CLECL1: variants seen among roughly 807,000 people sequenced by gnomAD.
CLECL1 encodes the protein C-type lectin like 1.
exon 4 of CLECL1, chr12:9,722,697 C>A: frequency 6.2e-7 from 1 of 1,613,842 alleles, no homozygotes; most frequent in Non-Finnish European, 8.5e-7. Flanking sequence ...ATGGCACAGT[C>A]ATTTTGACTT....
chr12:9,720,565 C>A (rs1260948906), downstream of CLECL1, among the ~76,000 whole-genome samples: 1 of 152,146 alleles, frequency 6.6e-6, no homozygotes, highest in Non-Finnish European at 1.5e-5. Flanking sequence ...TGGTCTCGAA[C>A]TCCCGACCTC....
At chr12:9,704,364 A>G in the CLECL1 span, among the ~76,000 whole-genome samples, 2 of 152,250 alleles carry the variant, frequency 1.3e-5, no homozygotes, top group East Asian at 1.9e-4. Context: ...TTATTTCACA[A>G]TTTTCATATA....
At chr12:9,711,552 C>G (rs191603905), downstream of CLECL1, among the ~76,000 whole-genome samples, 8 of 152,032 alleles carry the variant, frequency 5.3e-5, no homozygotes, top group East Asian at 1.3e-3. Context: ...TCACCGTACT[C>G]AACTATCAGT....
intron 2 of CLECL1, among the ~76,000 whole-genome samples, chr12:9,728,997 A>G (rs2121062257): frequency 6.6e-6 from 1 of 152,180 alleles, no homozygotes; most frequent in Admixed American, 6.5e-5. Context: ...CTTGGAATAT[A>G]TATAATCTGT....
downstream of CLECL1, chr12:9,718,517 G>C (rs79433652): frequency 5.4e-3 from 1,957 of 360,970 alleles, 80 homozygotes; most frequent in African/African-American, 0.028. Context: ...GTGGGGCCCA[G>C]AGAGTGGAAT....
intron 2 of CLECL1, among the ~76,000 whole-genome samples, chr12:9,728,484 G>T (rs925949076): frequency 3.3e-5 from 5 of 151,890 alleles, no homozygotes; most frequent in Non-Finnish European, 7.4e-5. Flanking sequence ...TGATGTAGCT[G>T]GGATTTGAAA....
At chr12:9,704,237 G>C in the CLECL1 span, 1 of 152,020 alleles carries the variant, frequency 6.6e-6, no homozygotes, top group South Asian at 2.1e-4. Context: ...TGCACAAGGA[G>C]AACTTCCAAT....
the CLECL1 span, among the ~76,000 whole-genome samples, chr12:9,704,398 G>A: frequency 2.0e-5 from 3 of 152,250 alleles, no homozygotes; most frequent in East Asian, 5.8e-4. Flanking sequence ...ATTAAGTTAT[G>A]TTCATTTGCT....
intron 3 of CLECL1, among the ~76,000 whole-genome samples, chr12:9,726,325 A>C (rs982908215): frequency 6.6e-6 from 1 of 152,062 alleles, no homozygotes; most frequent in African/African-American, 2.4e-5. Flanking sequence ...ACATCCCTAG[A>C]ATCAAAAACT....
chr12:9,714,944 C>A (rs1353651473), downstream of CLECL1, among the ~76,000 whole-genome samples: 3 of 152,142 alleles, frequency 2.0e-5, no homozygotes, highest in Admixed American at 2.0e-4. Flanking sequence ...TGAACCTCTC[C>A]TTCTATTAGG....
chr12:9,727,059 A>C (rs953360228), intron 3 of CLECL1, among the ~76,000 whole-genome samples: 1 of 151,740 alleles, frequency 6.6e-6, no homozygotes, highest in Non-Finnish European at 1.5e-5. Flanking sequence ...ATACAGAATT[A>C]AAATGTAAAT....
At chr12:9,712,152 G>C (rs993772140), downstream of CLECL1, among the ~76,000 whole-genome samples, 4 of 152,170 alleles carry the variant, frequency 2.6e-5, no homozygotes, top group African/African-American at 9.7e-5. Context: ...AAAAATAGCT[G>C]CCAACCCAAA....
chr12:9,732,123 T>C (rs1073103), intron 1 of CLECL1, among the ~76,000 whole-genome samples: 1,654 of 152,280 alleles, frequency 0.011, 28 homozygotes, highest in African/African-American at 0.034. Flanking sequence ...ATTCCTTTGA[T>C]AACTATAAAC....
chr12:9,734,204 T>C (rs1866488739), upstream of CLECL1, among the ~76,000 whole-genome samples: 1 of 152,186 alleles, frequency 6.6e-6, no homozygotes, highest in African/African-American at 2.4e-5. Context: ...TCCAAGAAAT[T>C]TAACTTAGGT....
chr12:9,727,156 AAAAG>A (rs1866389899), intron 3 of CLECL1, among the ~76,000 whole-genome samples: 2 of 151,856 alleles, frequency 1.3e-5, no homozygotes, highest in Non-Finnish European at 3.0e-5. Context: ...ACGAGAGAGC[AAAAG>A]AAAGACTAAC....
chr12:9,704,653 C>T, the CLECL1 span, among the ~76,000 whole-genome samples: 3 of 152,106 alleles, frequency 2.0e-5, no homozygotes, highest in East Asian at 5.8e-4. Flanking sequence ...CAAGTGAGAA[C>T]ATGTGGTATT....
intron 1 of CLECL1, among the ~76,000 whole-genome samples, 167 bp downstream of exon 1, chr12:9,732,782 A>T (rs1318348087): frequency 6.6e-6 from 1 of 152,264 alleles, no homozygotes; most frequent in Non-Finnish European, 1.5e-5. Context: ...TTTTATGAAC[A>T]GACATTTTGC....
At chr12:9,717,518 G>T (rs1866253529), downstream of CLECL1, among the ~76,000 whole-genome samples, 2 of 152,284 alleles carry the variant, frequency 1.3e-5, no homozygotes, top group African/African-American at 4.8e-5. Flanking sequence ...TTCAATAAAA[G>T]AAGTAAATAT....
chr12:9,705,788 T>G, the CLECL1 span, among the ~76,000 whole-genome samples: 1 of 152,230 alleles, frequency 6.6e-6, no homozygotes, highest in Non-Finnish European at 1.5e-5. Context: ...CCATGCTGTT[T>G]TGGTTACTGT....
Sources: allele counts gnomAD v4.1 joint callset (sites outside exome capture counted in the v4.1 genomes callset), GRCh38; gene constraint gnomAD v4.1.1; transcripts MANE v1.5; gene names NCBI Gene and HGNC (gene_info 2026-07-23, HGNC 2026-07-21).